The following DAB1 variants were observed in gnomAD, a reference collection of about 807,000 sequenced individuals.
DAB1 encodes the protein DAB adaptor protein 1.
DAB1 carries 15 observed loss-of-function variants against 64.6 expected under a neutral mutation model. The observed-to-expected ratio is 0.23, with a 90% CI of 0.16 to 0.36. DAB1 has a LOEUF of 0.36. DAB1 is among the 10% of genes least tolerant of loss of function. The probability of loss-of-function intolerance (pLI) is 1.00; values close to 1 mark genes in which losing one functional copy is unlikely to be tolerated. For missense variants in DAB1, 596 were observed against 706.7 expected (o/e 0.84, Z 1.78); for synonymous variants, 235 against 251.9 (o/e 0.93, Z 0.64).
intron 4 of DAB1, among the ~76,000 whole-genome samples, chr1:58,302,693 A>G (rs1361141147): frequency 2.0e-5 from 3 of 152,142 alleles, no homozygotes; most frequent in Non-Finnish European, 4.4e-5. Flanking sequence ...CTGTCAAGTG[A>G]GACTATAATA....
At chr1:57,621,075 TTGTC>T (rs1294389657) in intron 7 of DAB1, among the ~76,000 whole-genome samples, 1 of 151,266 alleles carries the variant, frequency 6.6e-6, no homozygotes, top group Non-Finnish European at 1.5e-5. Flanking sequence ...GTGTGCCTGT[TTGTC>T]TGAGAATGTG....
chr1:57,269,066 C>T (rs1307634022), intron 2 of DAB1, among the ~76,000 whole-genome samples: 1 of 152,074 alleles, frequency 6.6e-6, no homozygotes, highest in Non-Finnish European at 1.5e-5. Flanking sequence ...AGGGCAGCCA[C>T]CTGTGGGAAT....
chr1:58,384,892 G>C (rs939236527), intron 3 of DAB1, among the ~76,000 whole-genome samples: 3 of 152,224 alleles, frequency 2.0e-5, no homozygotes, highest in African/African-American at 7.2e-5. Context: ...TCGCCTAACT[G>C]GCAGCTGATT....
chr1:57,297,063 T>C (rs943673471), intron 1 of DAB1, among the ~76,000 whole-genome samples: 11 of 152,032 alleles, frequency 7.2e-5, no homozygotes, highest in African/African-American at 2.7e-4. Context: ...GAACATAACA[T>C]CACTATGCAG....
intron 7 of DAB1, among the ~76,000 whole-genome samples, chr1:57,533,315 G>T (rs1189524996): frequency 6.6e-6 from 1 of 151,144 alleles, no homozygotes; most frequent in Non-Finnish European, 1.5e-5. Context: ...CCGAGACCCT[G>T]TGGATTCTTA....
chr1:57,230,576 A>G (rs957154341), intron 2 of DAB1, among the ~76,000 whole-genome samples: 1 of 152,174 alleles, frequency 6.6e-6, no homozygotes, highest in East Asian at 1.9e-4. Context: ...TGAGCTTTGA[A>G]GCCAGACAAA....
At chr1:57,743,350 C>A (rs1275233562) in intron 6 of DAB1, among the ~76,000 whole-genome samples, 4 of 152,184 alleles carry the variant, frequency 2.6e-5, no homozygotes, top group Non-Finnish European at 5.9e-5. Context: ...TCTCCCCACC[C>A]TTGAGAATGT....
chr1:57,440,860 TG>T (rs1343499070), intron 7 of DAB1, among the ~76,000 whole-genome samples: 11 of 152,328 alleles, frequency 7.2e-5, no homozygotes, highest in Admixed American at 5.2e-4. Flanking sequence ...GAGTTTCATT[TG>T]TTTTTTTATA....
At chr1:58,256,811 T>C (rs1407742065) in intron 4 of DAB1, among the ~76,000 whole-genome samples, 1 of 152,184 alleles carries the variant, frequency 6.6e-6, no homozygotes, top group Non-Finnish European at 1.5e-5. Flanking sequence ...TATAAGTGCA[T>C]GATCAAGAAC....
chr1:58,406,698 C>T (rs904015923), intron 3 of DAB1, among the ~76,000 whole-genome samples: 3 of 115,460 alleles, frequency 2.6e-5, no homozygotes, highest in Non-Finnish European at 5.6e-5. Flanking sequence ...TAGAAAAGAA[C>T]GATAATATCA....
chr1:57,441,308 TTC>T, intron 7 of DAB1, among the ~76,000 whole-genome samples: 1 of 40,796 alleles, frequency 2.5e-5, no homozygotes, highest in East Asian at 1.7e-3. Context: ...CTTTCTTTCT[TTC>T]TTTCTTTCTT....
At chr1:58,490,130 G>A (rs990400431) in intron 3 of DAB1, among the ~76,000 whole-genome samples, 11 of 152,128 alleles carry the variant, frequency 7.2e-5, no homozygotes, top group Admixed American at 1.3e-4. Context: ...TGCTTCAGAC[G>A]ATCAAACTAC....
intron 3 of DAB1, among the ~76,000 whole-genome samples, chr1:58,361,263 A>G (rs1294690590): frequency 1.3e-5 from 2 of 152,196 alleles, no homozygotes; most frequent in African/African-American, 2.4e-5. Flanking sequence ...TAGCACATTC[A>G]AAGTGTGTGG....
chr1:58,491,193 A>C (rs1249626386), intron 3 of DAB1, among the ~76,000 whole-genome samples: 2 of 152,084 alleles, frequency 1.3e-5, no homozygotes, highest in Admixed American at 6.5e-5. Flanking sequence ...GAAATAAAAT[A>C]CTTTACAGAC....
intron 7 of DAB1, among the ~76,000 whole-genome samples, chr1:57,510,583 G>T (rs1644395273): frequency 6.6e-6 from 1 of 152,074 alleles, no homozygotes; most frequent in Non-Finnish European, 1.5e-5. Flanking sequence ...AATTTAATAT[G>T]CCTTTAGGGA....
chr1:57,096,929 AGG>A (rs1256616257), intron 4 of DAB1, among the ~76,000 whole-genome samples: 1 of 152,130 alleles, frequency 6.6e-6, no homozygotes, highest in African/African-American at 2.4e-5. Flanking sequence ...ATAACATAGG[AGG>A]GCTTACTGAT....
At chr1:58,454,404 G>A (rs756129407) in intron 3 of DAB1, among the ~76,000 whole-genome samples, 1 of 152,168 alleles carries the variant, frequency 6.6e-6, no homozygotes, top group Non-Finnish European at 1.5e-5. Context: ...AAGGCCCTGG[G>A]TGGGTGAGGT....
At chr1:57,414,906 G>A (rs933392741) in intron 1 of DAB1, among the ~76,000 whole-genome samples, 30 of 152,176 alleles carry the variant, frequency 2.0e-4, no homozygotes, top group African/African-American at 7.2e-4. Context: ...AAAGACTCAG[G>A]CTCAATGTCC....
At chr1:58,427,353 C>G (rs898976942) in intron 3 of DAB1, among the ~76,000 whole-genome samples, 8 of 152,006 alleles carry the variant, frequency 5.3e-5, no homozygotes, top group African/African-American at 1.9e-4. Flanking sequence ...GATAGGAAGG[C>G]CTTGACAGTG....
Sources: allele counts gnomAD v4.1 joint callset (sites outside exome capture counted in the v4.1 genomes callset), GRCh38; gene constraint gnomAD v4.1.1; transcripts MANE v1.5; gene names NCBI Gene and HGNC (gene_info 2026-07-23, HGNC 2026-07-21).